The following RGS7 variants were observed in gnomAD, a reference collection of about 807,000 sequenced individuals.
RGS7 encodes the protein regulator of G protein signaling 7.
RGS7 carries 27 observed loss-of-function variants against 81.1 expected under a neutral mutation model. The observed-to-expected ratio is 0.33, with a 90% CI of 0.25 to 0.46. The LOEUF is 0.46. RGS7 is among the 20% of genes least tolerant of loss of function. RGS7 has a pLI of 1.00. For synonymous variants in RGS7, 208 were observed against 207.7 expected (o/e 1.00, Z -0.01); for missense variants, 396 against 607.4 (o/e 0.65, Z 3.66).
chr1:240,970,512 A>C (rs1683030150), intron 4 of RGS7, among the ~76,000 whole-genome samples: 1 of 151,856 alleles, frequency 6.6e-6, no homozygotes, highest in Admixed American at 6.5e-5. Flanking sequence ...GCTAGCTTCT[A>C]GGTTAAATAA....
At chr1:241,012,861 T>A (rs527666487) in intron 3 of RGS7, among the ~76,000 whole-genome samples, 1 of 152,240 alleles carries the variant, frequency 6.6e-6, no homozygotes, top group African/African-American at 2.4e-5. Flanking sequence ...TACCACTGGC[T>A]ACTAACTGTT....
At chr1:240,802,235 A>T (rs528214014) in intron 16 of RGS7, among the ~76,000 whole-genome samples, 8 of 152,140 alleles carry the variant, frequency 5.3e-5, no homozygotes, top group Non-Finnish European at 7.4e-5. Flanking sequence ...AGAATGAATG[A>T]CGTTGATGTT....
intron 18 of RGS7, among the ~76,000 whole-genome samples, chr1:240,795,486 GAT>G (rs1686890883): frequency 6.6e-6 from 1 of 152,050 alleles, no homozygotes; most frequent in Non-Finnish European, 1.5e-5. Context: ...AAAAAATAAA[GAT>G]ACAAAAGAGA....
chr1:241,184,610 C>T lies in RGS7; in HGVS notation c.79-85848G>A, dbSNP rs192335135. Among the ~76,000 whole-genome samples, 151 of 152,284 alleles carry T rather than the reference C, an allele frequency of 9.9e-4. 1 individual carries two copies. Among genetic ancestry groups the T allele is most frequent in the Middle Eastern group, 6.8e-3 (2 of 294 alleles). On this transcript the variant is annotated intron_variant, in intron 2 of 18. Transcript: ENST00000440928. The stretch of plus-strand genomic sequence containing the variant: ...AACTTTGTTTCATAAGGATGTAACA[C>T]AAACTTCATTTCCATTTATTTAAAA...
At chr1:241,346,330 T>C (rs1188418805) in intron 2 of RGS7, among the ~76,000 whole-genome samples, 2 of 152,190 alleles carry the variant, frequency 1.3e-5, no homozygotes, top group African/African-American at 4.8e-5. Context: ...GGTTCAGACC[T>C]ATCTGCACTG....
chr1:241,019,323 T>C (rs1396548439), intron 3 of RGS7, among the ~76,000 whole-genome samples: 1 of 152,020 alleles, frequency 6.6e-6, no homozygotes. Context: ...GACTTTTTTC[T>C]TTTTTTAGAA....
intron 2 of RGS7, chr1:241,132,338 T>G (rs1437949667): frequency 1.3e-5 from 2 of 154,806 alleles, no homozygotes; most frequent in African/African-American, 4.8e-5. Context: ...TGTTTAATCA[T>G]GTATCCATGA....
chr1:241,229,560 A>C (rs917539236), intron 2 of RGS7, among the ~76,000 whole-genome samples: 1 of 152,246 alleles, frequency 6.6e-6, no homozygotes, highest in Admixed American at 6.5e-5. Flanking sequence ...AAGCTAATTG[A>C]GCTGCTCTAA....
At chr1:241,116,302 C>G (rs2065882970) in intron 2 of RGS7, among the ~76,000 whole-genome samples, 5 of 151,868 alleles carry the variant, frequency 3.3e-5, no homozygotes, top group Non-Finnish European at 7.4e-5. Context: ...TACTCATCAC[C>G]CACCTGTAAA....
intron 2 of RGS7, among the ~76,000 whole-genome samples, chr1:241,316,301 T>C (rs1372912671): frequency 6.6e-6 from 1 of 152,162 alleles, no homozygotes; most frequent in African/African-American, 2.4e-5. Flanking sequence ...ATTGACTAAA[T>C]CACCGGCCAC....
intron 9 of RGS7, among the ~76,000 whole-genome samples, chr1:240,843,674 C>A (rs1658533554): frequency 6.6e-6 from 1 of 152,162 alleles, no homozygotes; most frequent in East Asian, 1.9e-4. Context: ...AGGGAAATAG[C>A]AGAGCTGAGG....
At chr1:241,042,955 CAAAA>C (rs1322600643) in intron 3 of RGS7, among the ~76,000 whole-genome samples, 4 of 80,044 alleles carry the variant, frequency 5.0e-5, no homozygotes, top group East Asian at 4.0e-4. Flanking sequence ...TACTCCGTCT[CAAAA>C]AAAAAAAAAA....
intron 3 of RGS7, among the ~76,000 whole-genome samples, chr1:241,054,632 C>T (rs773154214): frequency 4.6e-5 from 7 of 152,086 alleles, no homozygotes; most frequent in Non-Finnish European, 1.0e-4. Context: ...ACTTTTATAC[C>T]CTACTTCCTG....
intron 1 of RGS7, among the ~76,000 whole-genome samples, chr1:241,356,312 G>C (rs2083564503): frequency 6.6e-6 from 1 of 152,040 alleles, no homozygotes; most frequent in South Asian, 2.1e-4. Flanking sequence ...GCCCATTCCC[G>C]GTGTCATTCT....
Position 241,259,637 on chromosome 1 carries a change from C to T in RGS7, c.78+96062G>A, listed in dbSNP as rs1255938413. Among the ~76,000 whole-genome samples the T allele has an allele frequency of 1.7e-4, 10 of 57,556 alleles. No homozygotes were observed. The South Asian group carries it at 5.8e-3, about 33-fold the overall frequency. The allele number at this position is 57,556 out of a possible 152,430, so 37.8% of individuals were successfully genotyped here. A position where few individuals can be genotyped will look rare whatever the true frequency, so the allele number is the denominator to read the frequency against. ...CGCACTCCAGCCTGGACAACAAGAGCGAAACTCCGTCTCAAAAAAAAAAAA... is the reference window on the plus strand; with the variant it reads ...CGCACTCCAGCCTGGACAACAAGAGTGAAACTCCGTCTCAAAAAAAAAAAA... On this transcript the variant is annotated intron_variant, in intron 2 of 18. Transcript: ENST00000440928.
intron 6 of RGS7, among the ~76,000 whole-genome samples, chr1:240,872,705 T>A (rs1558390765): frequency 6.6e-6 from 1 of 152,180 alleles, no homozygotes. Flanking sequence ...AAGGTCCAAG[T>A]AGATCAAAGA....
intron 2 of RGS7, among the ~76,000 whole-genome samples, chr1:241,169,926 C>T (rs1220644697): frequency 6.6e-6 from 1 of 151,760 alleles, no homozygotes; most frequent in East Asian, 1.9e-4. Flanking sequence ...ATTACCTCAA[C>T]TGAGAACAGA....
chr1:241,213,132 A>G (rs1291339168), intron 2 of RGS7, among the ~76,000 whole-genome samples: 1 of 152,138 alleles, frequency 6.6e-6, no homozygotes, highest in African/African-American at 2.4e-5. Flanking sequence ...TCATCTGTCT[A>G]TTAGAATGCT....
intron 3 of RGS7, among the ~76,000 whole-genome samples, chr1:241,052,234 C>G (rs560000215): frequency 6.6e-6 from 1 of 152,060 alleles, no homozygotes; most frequent in Non-Finnish European, 1.5e-5. Flanking sequence ...GAAATGTCAA[C>G]GCAGCAAGTG....
Sources: gnomAD v4.1 joint callset for allele counts (sites outside exome capture counted in the v4.1 genomes callset) on GRCh38, gnomAD v4.1.1 for gene constraint, MANE v1.5 for transcripts, NCBI Gene and HGNC (gene_info 2026-07-23, HGNC 2026-07-21) for gene names.